The following KIAA1217 variants were observed in gnomAD, a reference collection of about 807,000 sequenced individuals.
The protein encoded by KIAA1217 is sickle tail protein homolog.
In KIAA1217, 88 loss-of-function variants were observed where a neutral mutation model predicts 163.9. The ratio of observed to expected loss-of-function variants is 0.54; its 90% CI spans 0.45 to 0.64. The LOEUF (loss-of-function observed/expected upper bound fraction) is 0.64, where lower values mean the gene tolerates loss of function less well. KIAA1217 is among the 30% of genes least tolerant of loss of function. The pLI is 0.00. For missense variants in KIAA1217, 2,372 were observed against 2,475.0 expected (o/e 0.96, Z 0.88); for synonymous variants, 903 against 923.1 (o/e 0.98, Z 0.39).
intron 2 of KIAA1217, among the ~76,000 whole-genome samples, chr10:24,335,711 G>A (rs1486093868): frequency 6.6e-6 from 1 of 151,844 alleles, no homozygotes; most frequent in Non-Finnish European, 1.5e-5. Flanking sequence ...CTGGGCTCAA[G>A]CAATCCTCCT....
At chr10:23,976,579 T>C (rs1175500221) in intron 1 of KIAA1217, among the ~76,000 whole-genome samples, 2 of 152,196 alleles carry the variant, frequency 1.3e-5, no homozygotes, top group African/African-American at 4.8e-5. Context: ...AGATTTAATA[T>C]GTACCTCCTA....
chr10:24,031,162 C>T (rs1368519079), intron 2 of KIAA1217, among the ~76,000 whole-genome samples: 1 of 152,148 alleles, frequency 6.6e-6, no homozygotes, highest in African/African-American at 2.4e-5. Context: ...ACAAGGGCTT[C>T]AACTTTTTCA....
At chr10:24,221,261 A>T (rs1465157855) in intron 2 of KIAA1217, among the ~76,000 whole-genome samples, 1 of 151,214 alleles carries the variant, frequency 6.6e-6, no homozygotes, top group Non-Finnish European at 1.5e-5. Context: ...AGGAGATTTG[A>T]GGCCTCCTCT....
chr10:24,210,940 A>ATTT (rs56978789), intron 1 of KIAA1217, among the ~76,000 whole-genome samples: 25 of 147,678 alleles, frequency 1.7e-4, no homozygotes, highest in African/African-American at 5.7e-4. Flanking sequence ...TAAACGGTGA[A>ATTT]TTTTTTTTTT....
Position 24,201,203 on chromosome 10 carries a change from G to A in KIAA1217, c.-170-18423G>A, listed in dbSNP as rs537514763. ...GGAGAATTGCTTGAACCCAGGAGGCGGAGGTTGCAGTGAGCCAAGTTCCCA... is the reference window on the plus strand; with the variant it reads ...GGAGAATTGCTTGAACCCAGGAGGCAGAGGTTGCAGTGAGCCAAGTTCCCA... On this transcript the variant is annotated intron_variant, in intron 2 of 18. Coordinates refer to the KIAA1217 transcript ENST00000376462. Among the ~76,000 whole-genome samples, 10 of 152,224 alleles carry A rather than the reference G, an allele frequency of 6.6e-5. No homozygotes were observed. In the East Asian group the frequency reaches 1.7e-3, roughly 27 times the overall value.
upstream of KIAA1217, among the ~76,000 whole-genome samples, chr10:24,205,562 A>G (rs185137350): frequency 5.7e-4 from 87 of 152,180 alleles, no homozygotes; most frequent in African/African-American, 2.0e-3. Context: ...TCACAAAGTC[A>G]GGAGATCGAG....
chr10:24,283,351 G>A (rs912703887), intron 2 of KIAA1217, among the ~76,000 whole-genome samples: 2 of 151,956 alleles, frequency 1.3e-5, no homozygotes, highest in African/African-American at 4.8e-5. Flanking sequence ...TGTTGCTTAA[G>A]AACTTTTCAT....
intron 1 of KIAA1217, among the ~76,000 whole-genome samples, chr10:23,714,506 A>T (rs900028318): frequency 2.6e-5 from 4 of 152,080 alleles, no homozygotes; most frequent in African/African-American, 7.2e-5. Context: ...ATCAATTGCA[A>T]CTTGGACTTT....
intron 5 of KIAA1217, among the ~76,000 whole-genome samples, chr10:24,441,717 T>G (rs2060511595): frequency 6.6e-6 from 1 of 152,142 alleles, no homozygotes; most frequent in South Asian, 2.1e-4. Flanking sequence ...TTTCCTTACA[T>G]CAGATAGGAG....
At chr10:24,451,389 C>G (rs2061361662) in intron 5 of KIAA1217, among the ~76,000 whole-genome samples, 1 of 152,226 alleles carries the variant, frequency 6.6e-6, no homozygotes, top group Non-Finnish European at 1.5e-5. Context: ...GGGCAGCTGG[C>G]TCAGCTGCCT....
chr10:24,310,599 T>G (rs2042575470), intron 2 of KIAA1217, among the ~76,000 whole-genome samples: 1 of 152,206 alleles, frequency 6.6e-6, no homozygotes, highest in East Asian at 1.9e-4. Context: ...GCCTCTACAT[T>G]TTTAAGCAAG....
intron 2 of KIAA1217, among the ~76,000 whole-genome samples, chr10:24,303,918 A>G (rs1464315717): frequency 2.0e-5 from 3 of 152,234 alleles, no homozygotes; most frequent in East Asian, 1.9e-4. Flanking sequence ...GCAGAAAAAA[A>G]GACCATTGGA....
intron 11 of KIAA1217, among the ~76,000 whole-genome samples, chr10:24,521,112 T>A (rs1311668476): frequency 2.1e-5 from 3 of 144,490 alleles, no homozygotes; most frequent in African/African-American, 7.9e-5. Flanking sequence ...GGCGGGCAGA[T>A]CACTTGAGGT....
intron 1 of KIAA1217, among the ~76,000 whole-genome samples, chr10:23,850,227 A>G (rs1334310050): frequency 6.6e-6 from 1 of 152,130 alleles, no homozygotes; most frequent in Non-Finnish European, 1.5e-5. Flanking sequence ...CATGGTTAAC[A>G]TCTTCTAGAT....
intron 10 of KIAA1217, among the ~76,000 whole-genome samples, chr10:24,515,636 C>T (rs1184122600): frequency 6.6e-6 from 1 of 152,086 alleles, no homozygotes; most frequent in Non-Finnish European, 1.5e-5. Context: ...GAGTATAGCC[C>T]CGAACAGGGG....
intron 2 of KIAA1217, among the ~76,000 whole-genome samples, chr10:24,053,347 A>G (rs1849653671): frequency 6.6e-6 from 1 of 152,120 alleles, no homozygotes; most frequent in South Asian, 2.1e-4. Flanking sequence ...ACAGACATTC[A>G]TGGTTTAAAC....
intron 1 of KIAA1217, among the ~76,000 whole-genome samples, chr10:23,903,685 A>C (rs1036627522): frequency 6.6e-6 from 1 of 151,956 alleles, no homozygotes; most frequent in Non-Finnish European, 1.5e-5. Context: ...CTTTCAGGGG[A>C]AGTAGGTCAG....
chr10:24,256,398 A>G (rs2075161836), intron 2 of KIAA1217, among the ~76,000 whole-genome samples: 1 of 152,224 alleles, frequency 6.6e-6, no homozygotes, highest in Non-Finnish European at 1.5e-5. Context: ...GCCAAAGCCC[A>G]TAGAAAATAA....
chr10:23,713,323 A>G (rs957849300), intron 1 of KIAA1217, among the ~76,000 whole-genome samples: 6 of 152,170 alleles, frequency 3.9e-5, no homozygotes, highest in Admixed American at 2.0e-4. Flanking sequence ...GCCAATATCA[A>G]GAGCTATTGC....
Sources: allele counts gnomAD v4.1 joint callset (sites outside exome capture counted in the v4.1 genomes callset), GRCh38; gene constraint gnomAD v4.1.1; transcripts MANE v1.5; gene names NCBI Gene and HGNC (gene_info 2026-07-23, HGNC 2026-07-21).